The following FNTB variants were observed in gnomAD, a reference collection of about 807,000 sequenced individuals.
FNTB encodes farnesyltransferase, CAAX box, subunit beta.
In FNTB, 27 loss-of-function variants were observed where a neutral mutation model predicts 59.4. The ratio of observed to expected loss-of-function variants is 0.45; its 90% confidence interval spans 0.34 to 0.63. The LOEUF is 0.63. FNTB is among the 20% of genes least tolerant of loss of function. The probability of loss-of-function intolerance (pLI) is 0.02; values close to 1 mark genes in which losing one functional copy is unlikely to be tolerated. For synonymous variants in FNTB, 230 were observed against 220.7 expected (o/e 1.04, Z -0.37); for missense variants, 449 against 559.6 (o/e 0.80, Z 1.99).
chr14:65,040,097 G>A (rs1046465385), intron 7 of FNTB, among the ~76,000 whole-genome samples: 2 of 152,138 alleles, frequency 1.3e-5, no homozygotes, highest in South Asian at 2.1e-4. Flanking sequence ...GGCTGAGGTG[G>A]GAGGATTGCC....
In FNTB at chr14:64,991,800, G is replaced by A. The variant is rs1888210416; in HGVS notation, c.144+4703G>A. Among the ~76,000 whole-genome samples, 1 of 152,114 alleles carries A rather than the reference G, an allele frequency of 6.6e-6. No individual in the cohort carries two copies. Among genetic ancestry groups the A allele is most frequent in the African/African-American group, 2.4e-5 (1 of 41,420 alleles). On this transcript the variant is annotated intron_variant, in intron 1 of 11. Transcript: ENST00000246166. The surrounding 1 kb of genome is among the most constrained non-coding windows in gnomAD (Gnocchi z 4.4). Reference sequence around the variant, plus strand: ...GGCAGCCATTCAAGGAGGGAGAGCTGTTTTGAGGGAAGACTCAGGCTTGAC... The same window carrying A: ...GGCAGCCATTCAAGGAGGGAGAGCTATTTTGAGGGAAGACTCAGGCTTGAC...
At chr14:65,004,124 C>T (rs2061547133) in intron 1 of FNTB, 125 bp from the exon 2 acceptor site, 1 of 961,348 alleles carries the variant, frequency 1.0e-6, no homozygotes, top group African/African-American at 1.6e-5. Context: ...TCTTACAGTA[C>T]TGTGAAGTTC....
rs904090539 is a variant in FNTB at position 65,027,922 on chromosome 14, G to A, written c.605+141G>A. On this transcript the variant is annotated intron_variant, in intron 6 of 11. Coordinates refer to ENST00000246166, the MANE Select transcript of FNTB (RefSeq NM_002028.4). This position sits in a 1 kb window ranked among gnomAD's most constrained non-coding sequence, Gnocchi z 5.7. ...ACATGGGATGACATGTCAGTGACAC[G>A]TCAGAATCATTCAGATGTGATGCAG... 3.8e-6 allele frequency: 4 copies of A among 1,060,680 alleles called. No individual in the cohort carries two copies. The highest frequency in any genetic ancestry group is 2.6e-5 in the East Asian group (1 of 38,816). The allele number at this position is 1,060,680 out of a possible 1,614,324, so 65.7% of individuals were successfully genotyped here. A position where few individuals can be genotyped will look rare whatever the true frequency, so the allele number is the denominator to read the frequency against.
chr14:65,040,973 TTGTACTCAGACA>T (rs1310817321), intron 8 of FNTB, 54 bp downstream of exon 8: 13 of 1,597,804 alleles, frequency 8.1e-6, no homozygotes, highest in Non-Finnish European at 1.1e-5. Flanking sequence ...GGTGATGTGA[TTGTACTCAGACA>T]TGCAGGCTTC....
chr14:65,037,403 C>CTTTTTTTT lies in FNTB; in HGVS notation c.693-3351_693-3344dup, dbSNP rs1555335876. On this transcript the variant is annotated intron_variant, in intron 7 of 11. Coordinates refer to ENST00000246166, the MANE Select transcript of FNTB (RefSeq NM_002028.4). ...TAGGCGTGAGCCACCACGCCGGGCC[C>CTTTTTTTT]TTTTTTTTTTTTTTTTTTTTTTTTT... 3.5e-3 allele frequency among the ~76,000 whole-genome samples: 103 copies of CTTTTTTTT among 29,676 alleles called. 22 individuals carry two copies. The highest frequency in any genetic ancestry group is 9.3e-3 in the Admixed American group (22 of 2,374). 19.5% of individuals were successfully genotyped at this position (29,676 alleles called of 152,430 possible). A position where few individuals can be genotyped will look rare whatever the true frequency, so the allele number is the denominator to read the frequency against.
chr14:65,023,034 A>G lies in FNTB; in HGVS notation c.375-4419A>G, dbSNP rs2061916980. 6.6e-6 allele frequency among the ~76,000 whole-genome samples: 1 copy of G among 152,176 alleles called. No homozygotes were observed. Among genetic ancestry groups the G allele is most frequent in the South Asian group, 2.1e-4 (1 of 4,836 alleles). ...GTACATGCCTTTGAATCCTTCATCC[A>G]AACTGATGACGGTGTTTAGAATCAA... On this transcript the variant is annotated intron_variant, in intron 4 of 11. Transcript: ENST00000246166. This position sits in a 1 kb window ranked among gnomAD's most constrained non-coding sequence, Gnocchi z 4.1.
At position 65,027,644 on chromosome 14, in the gene FNTB, G is replaced by A. The variant is rs533020225; in HGVS notation, c.521+45G>A. The A allele has an allele frequency of 3.5e-5, 57 of 1,614,006 alleles. No homozygotes were observed. In the South Asian group the frequency reaches 5.3e-4, roughly 15 times the overall value. ...TGACAGAAACCTAGAGGAGTTCCCCGCCTGCTGACACGCACTGACTGTTGC... is the reference window on the plus strand; with the variant it reads ...TGACAGAAACCTAGAGGAGTTCCCCACCTGCTGACACGCACTGACTGTTGC... On this transcript the variant is annotated intron_variant, in intron 5 of 11. Transcript: ENST00000246166. This position sits in a 1 kb window ranked among gnomAD's most constrained non-coding sequence, Gnocchi z 5.7.
At chr14:64,987,204 C>T (rs1424992398) in intron 1 of FNTB, 107 bp downstream of exon 1, 21 of 1,319,736 alleles carry the variant, frequency 1.6e-5, no homozygotes, top group Non-Finnish European at 2.2e-5. Flanking sequence ...CTACGACTCC[C>T]ACAGCGCACC....
Position 65,024,018 on chromosome 14 carries a change from C to T in FNTB, c.375-3435C>T, listed in dbSNP as rs542210551. Among the ~76,000 whole-genome samples the T allele has an allele frequency of 5.9e-5, 9 of 151,910 alleles. No individual in the cohort carries two copies. In the South Asian group the frequency reaches 1.9e-3, roughly 32 times the overall value. On this transcript the variant is annotated intron_variant, in intron 4 of 11. Transcript: ENST00000246166. ...TCGGGAGGCTGAGGGAGGAGAATCA[C>T]TTGAACCCAGGAGGCAGAGCTTGCA... is the stretch of plus-strand genomic sequence containing the variant.
chr14:64,999,620 A>G (rs1007729586), intron 1 of FNTB, among the ~76,000 whole-genome samples: 2 of 152,218 alleles, frequency 1.3e-5, no homozygotes, highest in Non-Finnish European at 2.9e-5. Context: ...AGTGAGTTGA[A>G]TGGTATATGA....
chr14:64,994,072 C>A lies in FNTB; in HGVS notation c.144+6975C>A, dbSNP rs1413985740. 6.6e-6 allele frequency among the ~76,000 whole-genome samples: 1 copy of A among 152,146 alleles called. No homozygotes were observed. Among genetic ancestry groups the A allele is most frequent in the Non-Finnish European group, 1.5e-5 (1 of 68,020 alleles). On this transcript the variant is annotated intron_variant, in intron 1 of 11. Coordinates refer to ENST00000246166, the MANE Select transcript of FNTB (RefSeq NM_002028.4). The surrounding 1 kb of genome is among the most constrained non-coding windows in gnomAD (Gnocchi z 4.2). Reference sequence around the variant, plus strand: ...GTTTTACCATGTTGACCAGGCTGGTCTCAAACTCCTGACCTCAAATGATCC... The same window carrying A: ...GTTTTACCATGTTGACCAGGCTGGTATCAAACTCCTGACCTCAAATGATCC...
rs2061614593 is a variant in FNTB, at chr14:65,007,599, T to C, written c.209+3286T>C. On this transcript the variant is annotated intron_variant, in intron 2 of 11. Transcript: ENST00000246166. The surrounding 1 kb of genome is among the most constrained non-coding windows in gnomAD (Gnocchi z 4.9). ...CCAGAAATGATTTTCTTCTCTAAGG[T>C]TGGGACTGTCTACCTGGAGTGAGGT... Among the ~76,000 whole-genome samples, 1 of 152,166 alleles carries C rather than the reference T, an allele frequency of 6.6e-6. No homozygotes were observed. Among genetic ancestry groups the C allele is most frequent in the Non-Finnish European group, 1.5e-5 (1 of 68,024 alleles).
intron 7 of FNTB, among the ~76,000 whole-genome samples, chr14:65,037,741 A>AT (rs372196330): frequency 0.25 from 32,477 of 132,116 alleles, 4,706 homozygotes; most frequent in Non-Finnish European, 0.31. Flanking sequence ...TTATTTATTT[A>AT]TTATTTATTT....
Position 65,032,121 on chromosome 14 carries a change from A to G in FNTB, c.606-489A>G, listed in dbSNP as rs891601967. Among the ~76,000 whole-genome samples the G allele has an allele frequency of 5.3e-5, 8 of 151,864 alleles. No individual in the cohort carries two copies. The South Asian group carries it at 1.7e-3, about 32-fold the overall frequency. On this transcript the variant is annotated intron_variant, in intron 6 of 11. Transcript: ENST00000246166. The surrounding 1 kb of genome is among the most constrained non-coding windows in gnomAD (Gnocchi z 5.0). Reference sequence around the variant, plus strand: ...TTCCTATCCTTGTTTGATCTATTACAATTTGGTGGCCTGTTTTGCAGTTTA... The same window carrying G: ...TTCCTATCCTTGTTTGATCTATTACGATTTGGTGGCCTGTTTTGCAGTTTA...
Position 65,009,516 on chromosome 14 carries a change from A to G in FNTB, c.210-2801A>G, listed in dbSNP as rs768493489. ...TTCCTTCTTCCCACATCAGAGACCT[A>G]TATTTCGCTAGCTTCGTACCCATCA... On this transcript the variant is annotated intron_variant, in intron 2 of 11. Transcript: ENST00000246166. This position sits in a 1 kb window ranked among gnomAD's most constrained non-coding sequence, Gnocchi z 4.2. Among the ~76,000 whole-genome samples, 1 of 152,040 alleles carries G rather than the reference A, an allele frequency of 6.6e-6. No homozygotes were observed. Among genetic ancestry groups the G allele is most frequent in the Non-Finnish European group, 1.5e-5 (1 of 68,000 alleles).
intron 11 of FNTB, among the ~76,000 whole-genome samples, chr14:65,060,620 C>T (rs1335649935): frequency 6.6e-5 from 8 of 120,748 alleles, no homozygotes; most frequent in Admixed American, 1.5e-4. Flanking sequence ...GGCGTGAACC[C>T]GGGAGGCGGA....
chr14:65,030,520 C>G lies in FNTB; in HGVS notation c.606-2090C>G, dbSNP rs999027551. On this transcript the variant is annotated intron_variant, in intron 6 of 11. Transcript: ENST00000246166. The surrounding 1 kb of genome is among the most constrained non-coding windows in gnomAD (Gnocchi z 4.5). ...TTGAGAGACTGAGATGAGAGAATCA[C>G]TTGAGGCCAGGAGTTCAAGACCAAC... 1.3e-5 allele frequency among the ~76,000 whole-genome samples: 2 copies of G among 152,188 alleles called. No homozygotes were observed. Among genetic ancestry groups the G allele is most frequent in the African/African-American group, 2.4e-5 (1 of 41,446 alleles).
intron 2 of FNTB, among the ~76,000 whole-genome samples, chr14:65,004,611 G>T (rs774404178): frequency 3.3e-5 from 5 of 152,062 alleles, no homozygotes; most frequent in Non-Finnish European, 7.4e-5. Flanking sequence ...TTTAGTGGTG[G>T]CCTGCTGCTC....
At chr14:65,002,915 T>G (rs1707742365) in intron 1 of FNTB, among the ~76,000 whole-genome samples, 1 of 152,192 alleles carries the variant, frequency 6.6e-6, no homozygotes, top group Admixed American at 6.5e-5. Context: ...AAAAACATCT[T>G]AGATGATCCT....
Sources: gnomAD v4.1 joint callset for allele counts (sites outside exome capture counted in the v4.1 genomes callset) on GRCh38, gnomAD v4.1.1 for gene constraint, Gnocchi (gnomAD v3.1) non-coding constraint, MANE v1.5 for transcripts, NCBI Gene and HGNC (gene_info 2026-07-23, HGNC 2026-07-21) for gene names.